Variants in PRKG1 observed in about 807,000 individuals in gnomAD.
PRKG1 encodes the protein cGMP-dependent protein kinase 1.
A neutral mutation model predicts 88.1 loss-of-function variants in PRKG1; 35 were observed. The ratio of observed to expected loss-of-function variants is 0.40; its 90% CI spans 0.30 to 0.53. The LOEUF (loss-of-function observed/expected upper bound fraction) is 0.53. Ranked by LOEUF, PRKG1 falls within the 20% of genes least tolerant of loss-of-function variation. The probability of loss-of-function intolerance (pLI) is 0.59; values close to 1 mark genes in which losing one functional copy is unlikely to be tolerated. For synonymous variants in PRKG1, 303 were observed against 292.5 expected, an observed-to-expected ratio of 1.04 and a Z score of -0.37; for missense variants, 540 against 839.8, an observed-to-expected ratio of 0.64 and a Z score of 4.41.
intron 5 of PRKG1, among the ~76,000 whole-genome samples, chr10:51,961,709 A>G (rs138173518): frequency 4.3e-4 from 65 of 152,286 alleles, no homozygotes; most frequent in African/African-American, 2.4e-5. Flanking sequence ...TTATTGTCCA[A>G]ATTTTTACGT....
At chr10:52,010,803 C>A (rs1844860941) in intron 5 of PRKG1, among the ~76,000 whole-genome samples, 1 of 152,080 alleles carries the variant, frequency 6.6e-6, no homozygotes, top group Non-Finnish European at 1.5e-5. Context: ...TGTTGTTAGC[C>A]TGATTTTAGG....
intron 2 of PRKG1, among the ~76,000 whole-genome samples, chr10:51,365,328 T>C (rs1842567322): frequency 6.6e-6 from 1 of 151,876 alleles, no homozygotes; most frequent in African/African-American, 2.4e-5. Context: ...CATCCTCCTG[T>C]AGGAGCTGGG....
chr10:51,485,392 C>T (rs766208), intron 3 of PRKG1, among the ~76,000 whole-genome samples: 114,538 of 151,938 alleles, frequency 0.75, 43,692 homozygotes, highest in East Asian at 0.96. Flanking sequence ...AAATCTTCCG[C>T]GGAGGGTGGT....
intron 2 of PRKG1, among the ~76,000 whole-genome samples, chr10:51,260,982 G>C (rs10996377): frequency 6.6e-6 from 1 of 151,972 alleles, no homozygotes; most frequent in Non-Finnish European, 1.5e-5. Context: ...AAAATATGTC[G>C]TAACTTAAAC....
chr10:51,358,733 G>A (rs1008217822), intron 2 of PRKG1, among the ~76,000 whole-genome samples: 1 of 151,776 alleles, frequency 6.6e-6, no homozygotes, highest in Non-Finnish European at 1.5e-5. Flanking sequence ...AATTTACTTT[G>A]GCCTTTAAAG....
chr10:51,756,631 C>A (rs755269641), intron 3 of PRKG1, among the ~76,000 whole-genome samples: 1 of 151,768 alleles, frequency 6.6e-6, no homozygotes, highest in South Asian at 2.1e-4. Context: ...CTGGCTAACA[C>A]GGTGAAACCC....
intron 8 of PRKG1, among the ~76,000 whole-genome samples, chr10:52,158,861 G>A (rs539203860): frequency 1.3e-5 from 2 of 151,490 alleles, no homozygotes; most frequent in South Asian, 4.2e-4. Flanking sequence ...TATAGAGTAT[G>A]AATAAAGATA....
intron 5 of PRKG1, among the ~76,000 whole-genome samples, chr10:51,962,438 A>T (rs919157719): frequency 2.0e-5 from 3 of 152,082 alleles, no homozygotes; most frequent in African/African-American, 7.2e-5. Flanking sequence ...AAATAGGATG[A>T]TCATAGGTCT....
chr10:51,559,887 A>G (rs1837412125), intron 3 of PRKG1, among the ~76,000 whole-genome samples: 1 of 152,080 alleles, frequency 6.6e-6, no homozygotes, highest in Non-Finnish European at 1.5e-5. Context: ...TGGTTCTTCC[A>G]TATAATTTTA....
intron 1 of PRKG1, among the ~76,000 whole-genome samples, chr10:51,026,324 A>T (rs149474701): frequency 1.4e-3 from 210 of 152,316 alleles, no homozygotes; most frequent in African/African-American, 4.9e-3. Context: ...CCCCTCTCTC[A>T]TGCCCTCATG....
At chr10:51,399,889 G>GC (rs1837688144) in intron 2 of PRKG1, among the ~76,000 whole-genome samples, 1 of 152,184 alleles carries the variant, frequency 6.6e-6, no homozygotes. Context: ...GAATGTGGGT[G>GC]CCGGGGGCAG....
chr10:51,713,187 A>T (rs974473242), intron 3 of PRKG1, among the ~76,000 whole-genome samples: 3 of 152,224 alleles, frequency 2.0e-5, no homozygotes, highest in Non-Finnish European at 4.4e-5. Flanking sequence ...AAATTTCACC[A>T]GCAGCCACAT....
intron 9 of PRKG1, among the ~76,000 whole-genome samples, chr10:52,208,565 T>C (rs1839878605): frequency 6.6e-6 from 1 of 152,192 alleles, no homozygotes; most frequent in African/African-American, 2.4e-5. Flanking sequence ...TATGAACAAC[T>C]GAAACAAATT....
intron 2 of PRKG1, among the ~76,000 whole-genome samples, chr10:51,422,263 A>G (rs1224695512): frequency 4.6e-5 from 7 of 152,214 alleles, no homozygotes; most frequent in Non-Finnish European, 7.3e-5. Context: ...GGTTTGGTTA[A>G]GAGATCCAAA....
intron 5 of PRKG1, among the ~76,000 whole-genome samples, chr10:51,941,594 C>G (rs1459703831): frequency 6.7e-6 from 1 of 150,246 alleles, no homozygotes; most frequent in Middle Eastern, 3.4e-3. Context: ...TAAATGCTAT[C>G]CCTCCTCCCT....
At chr10:51,520,632 A>G (rs909608962) in intron 3 of PRKG1, among the ~76,000 whole-genome samples, 9 of 152,148 alleles carry the variant, frequency 5.9e-5, no homozygotes, top group African/African-American at 1.7e-4. Flanking sequence ...GAAATTCACA[A>G]TGATAGCTAG....
intron 2 of PRKG1, among the ~76,000 whole-genome samples, chr10:51,438,122 A>G (rs181529855): frequency 1.3e-5 from 2 of 151,890 alleles, no homozygotes; most frequent in East Asian, 3.9e-4. Context: ...TTGCATATGC[A>G]TTAATGTTTG....
chr10:51,686,777 G>T (rs1338749869), intron 3 of PRKG1, among the ~76,000 whole-genome samples: 1 of 152,018 alleles, frequency 6.6e-6, no homozygotes, highest in Non-Finnish European at 1.5e-5. Context: ...CTTTTTAGAG[G>T]AAGGCTAGAG....
intron 2 of PRKG1, among the ~76,000 whole-genome samples, chr10:51,457,982 T>A (rs10823038): frequency 0.21 from 31,303 of 152,150 alleles, 3,466 homozygotes; most frequent in Admixed American, 0.32. Context: ...AGAAAATAAG[T>A]TTAAAAGCAT....
Sources: allele counts gnomAD v4.1 joint callset (sites outside exome capture counted in the v4.1 genomes callset), GRCh38; gene constraint gnomAD v4.1.1; transcripts MANE v1.5; gene names NCBI Gene and HGNC (gene_info 2026-07-23, HGNC 2026-07-21).